The following NKAIN3 variants were observed in gnomAD, a reference collection of about 807,000 sequenced individuals.
The protein encoded by NKAIN3 is sodium/potassium-transporting ATPase subunit beta-1-interacting protein 3.
NKAIN3 carries 25 observed loss-of-function variants against 30.2 expected under a neutral mutation model. That is an observed-to-expected ratio of 0.83 (90% CI 0.60 to 1.16). The LOEUF (loss-of-function observed/expected upper bound fraction) is 1.16, where lower values mean the gene tolerates loss of function less well. NKAIN3 is among the 50% of genes most tolerant of loss of function. NKAIN3 has a pLI of 0.00. For synonymous variants in NKAIN3, 91 were observed against 89.6 expected (o/e 1.02, Z -0.09); for missense variants, 225 against 254.1 (o/e 0.89, Z 0.78).
chr8:62,935,502 C>T (rs901550995), intron 5 of NKAIN3, among the ~76,000 whole-genome samples: 3 of 151,894 alleles, frequency 2.0e-5, no homozygotes, highest in East Asian at 1.9e-4. Context: ...ACTCACATAG[C>T]GTGTAAGAAC....
At chr8:62,337,807 TC>T (rs1259664351) in intron 1 of NKAIN3, among the ~76,000 whole-genome samples, 4 of 152,044 alleles carry the variant, frequency 2.6e-5, no homozygotes, top group African/African-American at 7.2e-5. Context: ...GAAATTCTGA[TC>T]ATTGTCCACT....
intron 1 of NKAIN3, among the ~76,000 whole-genome samples, chr8:62,496,450 A>G (rs1309157631): frequency 6.6e-6 from 1 of 152,126 alleles, no homozygotes; most frequent in East Asian, 1.9e-4. Flanking sequence ...ATTATCAGAG[A>G]CTGAGAGAGC....
chr8:62,796,131 C>T (rs1367942441), intron 4 of NKAIN3, among the ~76,000 whole-genome samples: 3 of 151,972 alleles, frequency 2.0e-5, no homozygotes, highest in Non-Finnish European at 4.4e-5. Flanking sequence ...CACCTGTAAT[C>T]CCAGCACTTT....
intron 3 of NKAIN3, among the ~76,000 whole-genome samples, chr8:62,729,035 A>AAAAAAC (rs1344781585): frequency 1.3e-4 from 14 of 110,224 alleles, no homozygotes; most frequent in African/African-American, 5.9e-4. Context: ...AAAAAAAAAA[A>AAAAAAC]AAAACAAAAA....
At chr8:62,593,805 C>A (rs1053139719) in intron 3 of NKAIN3, among the ~76,000 whole-genome samples, 5 of 151,976 alleles carry the variant, frequency 3.3e-5, no homozygotes, top group Non-Finnish European at 7.4e-5. Flanking sequence ...GAGGGAGTAA[C>A]TTTCTGCAAG....
intron 3 of NKAIN3, among the ~76,000 whole-genome samples, chr8:62,702,649 C>T (rs1489135210): frequency 6.6e-6 from 1 of 152,158 alleles, no homozygotes; most frequent in Admixed American, 6.5e-5. Context: ...ACTAGCACTA[C>T]ATTTTAACCA....
rs999214576 is a variant in NKAIN3, at chr8:62,406,986, C to T, written c.54+157859C>T. On this transcript the variant is annotated intron_variant, in intron 1 of 6. Transcript: ENST00000623646. ...TATCAAATTAGCCACAATGCTGATA[C>T]TGTCATCACTGGCTGAATTAGAATG... 7.9e-4 allele frequency among the ~76,000 whole-genome samples: 121 copies of T among 152,292 alleles called. 1 individual carries two copies. The highest frequency in any genetic ancestry group is 3.2e-3 in the Admixed American group (49 of 15,292).
chr8:62,363,129 G>C (rs954684591), intron 1 of NKAIN3, among the ~76,000 whole-genome samples: 2 of 152,172 alleles, frequency 1.3e-5, no homozygotes, highest in Admixed American at 1.3e-4. Flanking sequence ...TATGTGCAGA[G>C]GGCAATACAG....
intron 3 of NKAIN3, among the ~76,000 whole-genome samples, chr8:62,718,410 C>T (rs4737611): frequency 0.88 from 134,551 of 152,228 alleles, 59,609 homozygotes; most frequent in African/African-American, 0.91. Context: ...ACCAGGTTAA[C>T]TGACTAAATT....
chr8:62,416,840 CA>C (rs1416971181), intron 1 of NKAIN3, among the ~76,000 whole-genome samples: 2 of 151,770 alleles, frequency 1.3e-5, no homozygotes, highest in African/African-American at 4.8e-5. Context: ...ACTAAAAATA[CA>C]AAATTAGCTG....
intron 1 of NKAIN3, among the ~76,000 whole-genome samples, chr8:62,568,758 A>G (rs1809832383): frequency 6.6e-6 from 1 of 152,192 alleles, no homozygotes; most frequent in Admixed American, 6.5e-5. Context: ...TTACATCTTT[A>G]TTATTGAATT....
At chr8:62,743,261 T>C (rs1219224918) in intron 3 of NKAIN3, among the ~76,000 whole-genome samples, 5 of 152,222 alleles carry the variant, frequency 3.3e-5, no homozygotes, top group African/African-American at 1.2e-4. Context: ...ATATACCTTG[T>C]ATAGAAAACT....
chr8:62,862,661 G>T (rs1416347785), intron 4 of NKAIN3, among the ~76,000 whole-genome samples: 3 of 152,082 alleles, frequency 2.0e-5, no homozygotes, highest in Non-Finnish European at 4.4e-5. Flanking sequence ...ACTGAAAATT[G>T]CTTTGGAATT....
At chr8:62,412,618 G>A (rs560996780) in intron 1 of NKAIN3, among the ~76,000 whole-genome samples, 83 of 152,012 alleles carry the variant, frequency 5.5e-4, no homozygotes, top group Non-Finnish European at 9.3e-4. Context: ...ACCTTGGCTG[G>A]GTGCGGTGGC....
intron 3 of NKAIN3, among the ~76,000 whole-genome samples, chr8:62,630,426 TGA>T (rs1811921978): frequency 6.6e-6 from 1 of 152,180 alleles, no homozygotes; most frequent in Non-Finnish European, 1.5e-5. Flanking sequence ...ATTGGAGAAC[TGA>T]GAGTCTTCAT....
chr8:62,392,015 A>G (rs1312542228), intron 1 of NKAIN3, among the ~76,000 whole-genome samples: 1 of 152,068 alleles, frequency 6.6e-6, no homozygotes, highest in East Asian at 1.9e-4. Context: ...AATGACAACA[A>G]CAAGGAAACA....
rs1351084861 is a variant in NKAIN3 at position 62,984,347 on chromosome 8, A to G, written c.*18940A>G. 1 of 152,232 alleles carries G rather than the reference A, an allele frequency of 6.6e-6. No homozygotes were observed. Among genetic ancestry groups the G allele is most frequent in the Non-Finnish European group, 1.5e-5 (1 of 68,040 alleles). 9.4% of individuals were successfully genotyped at this position (152,232 alleles called of 1,614,324 possible). ...CAAGAACATAGTACCTTCTATTTCT[A>G]CTACATGTTTTTAATCTTTAACATT... On this transcript the variant is annotated 3_prime_UTR_variant, in exon 7 of 7. Coordinates refer to ENST00000623646, the MANE Select transcript of NKAIN3 (RefSeq NM_001304533.3).
Position 62,970,468 on chromosome 8 carries a change from T to C in NKAIN3, c.*5061T>C, listed in dbSNP as rs540244863. Among the ~76,000 whole-genome samples the C allele has an allele frequency of 2.0e-5, 3 of 151,312 alleles. No homozygotes were observed. Among genetic ancestry groups the C allele is most frequent in the Non-Finnish European group, 4.4e-5 (3 of 67,824 alleles). ...GGTGGCAGGCAAAACTTGAATCATC[T>C]TTCTTGAACTTGCATTCAAATAAAG... On this transcript the variant is annotated 3_prime_UTR_variant, in exon 7 of 7. Transcript: ENST00000623646.
intron 1 of NKAIN3, among the ~76,000 whole-genome samples, chr8:62,463,840 CAA>C (rs1340248265): frequency 1.3e-5 from 2 of 152,028 alleles, no homozygotes; most frequent in Non-Finnish European, 2.9e-5. Context: ...ACAATTTTAA[CAA>C]TATCCTGTAA....
Sources: allele counts gnomAD v4.1 joint callset (sites outside exome capture counted in the v4.1 genomes callset), GRCh38; gene constraint gnomAD v4.1.1; transcripts MANE v1.5; gene names NCBI Gene and HGNC (gene_info 2026-07-23, HGNC 2026-07-21).